The following AXDND1 variants were observed in gnomAD, a reference collection of about 807,000 sequenced individuals.
AXDND1 encodes the protein axonemal dynein light chain domain-containing protein 1.
Under a neutral mutation model 137.5 loss-of-function variants are expected in AXDND1, and 110 were observed. The observed-to-expected ratio is 0.80, with a 90% CI of 0.69 to 0.94. AXDND1 has a LOEUF of 0.94. AXDND1 is among the 40% of genes least tolerant of loss of function. The pLI is 0.00. For synonymous variants in AXDND1, 414 were observed against 399.7 expected, an observed-to-expected ratio of 1.04 and a Z score of -0.43; for missense variants, 1,191 against 1,169.8, an observed-to-expected ratio of 1.02 and a Z score of -0.26.
rs1424898507 is a variant in AXDND1, at chr1:179,385,260, TGAA to T, written c.769_771del (p.Lys257del). On this transcript the variant is annotated inframe_deletion, in exon 9 of 26. Coordinates refer to ENST00000367618, the MANE Select transcript of AXDND1 (RefSeq NM_144696.6). ...CAGATGCACAAACTACTACATATATTGAAGAAGGAACAGACCATTTACAACATG... is the reference window on the plus strand; with the variant it reads ...CAGATGCACAAACTACTACATATATTGAAGGAACAGACCATTTACAACATG... 1.9e-6 allele frequency: 3 copies of T among 1,610,618 alleles called. No homozygotes were observed. In the African/African-American group the frequency reaches 4.0e-5, roughly 22 times the overall value.
At chr1:179,439,477 T>C (rs10913756) in intron 15 of AXDND1, among the ~76,000 whole-genome samples, 98,496 of 151,986 alleles carry the variant, frequency 0.65, 32,250 homozygotes, top group Middle Eastern at 0.7. Flanking sequence ...TCCTGGAGCC[T>C]ACTCTCCCTG....
At chr1:179,477,217 C>T (rs1262945926) in intron 17 of AXDND1, among the ~76,000 whole-genome samples, 1 of 151,824 alleles carries the variant, frequency 6.6e-6, no homozygotes, top group Non-Finnish European at 1.5e-5. Flanking sequence ...TTTTTAATTT[C>T]TATTCTCTTA....
chr1:179,447,935 C>T, intron 16 of AXDND1: 3 of 1,382,682 alleles, frequency 2.2e-6, no homozygotes, highest in Non-Finnish European at 1.0e-6. Context: ...GTGTTTAAAT[C>T]TGTTAACGTT....
chr1:179,501,365 T>C (rs995223973), intron 20 of AXDND1, among the ~76,000 whole-genome samples: 2 of 152,202 alleles, frequency 1.3e-5, no homozygotes, highest in African/African-American at 4.8e-5. Context: ...TTATGGCCTT[T>C]TATATAAGCA....
chr1:179,447,129 C>T (rs571667529), intron 16 of AXDND1, among the ~76,000 whole-genome samples: 1 of 152,096 alleles, frequency 6.6e-6, no homozygotes, highest in East Asian at 1.9e-4. Flanking sequence ...CTATAGTCAC[C>T]CTTCTCTCCT....
At chr1:179,546,931 C>T (rs1303963127) in intron 25 of AXDND1, among the ~76,000 whole-genome samples, 1 of 152,218 alleles carries the variant, frequency 6.6e-6, no homozygotes, top group East Asian at 1.9e-4. Flanking sequence ...GGTCACTTGT[C>T]TGCTACCTTG....
At chr1:179,460,044 TTTA>T (rs1662086519) in intron 16 of AXDND1, among the ~76,000 whole-genome samples, 2 of 151,554 alleles carry the variant, frequency 1.3e-5, no homozygotes, top group Admixed American at 1.3e-4. Context: ...TTTTATTTTC[TTTA>T]TTATTATTCT....
At chr1:179,452,469 A>G (rs1342209768) in intron 16 of AXDND1, 2 of 146,242 alleles carry the variant, frequency 1.4e-5, no homozygotes, top group Non-Finnish European at 3.0e-5. Context: ...CGGGTGGATC[A>G]TGAGGTCGGG....
At chr1:179,447,679 C>G in intron 16 of AXDND1, 1 of 1,348,278 alleles carries the variant, frequency 7.4e-7, no homozygotes, top group Non-Finnish European at 1.1e-6. Flanking sequence ...AAGATTACTG[C>G]CACCTGGTGG....
At chr1:179,434,241 A>C (rs993993731) in intron 15 of AXDND1, among the ~76,000 whole-genome samples, 1 of 152,112 alleles carries the variant, frequency 6.6e-6, no homozygotes. Flanking sequence ...GCCAAGGACC[A>C]CACAGATTCA....
rs1928003 is a variant in AXDND1 at position 179,505,592 on chromosome 1, G to C, written c.2389-3704G>C. ...GAACCCGGGAGGTAGAGGTTGTGCC[G>C]AGCCGAGATTGCTCCACTGCATTCC... is the stretch of plus-strand genomic sequence containing the variant. On this transcript the variant is annotated intron_variant, in intron 20 of 25. Coordinates refer to ENST00000367618, the MANE Select transcript of AXDND1 (RefSeq NM_144696.6). 6.0e-5 allele frequency among the ~76,000 whole-genome samples: 9 copies of C among 150,738 alleles called. No homozygotes were observed. The South Asian group carries it at 1.9e-3, about 32-fold the overall frequency.
intron 16 of AXDND1, among the ~76,000 whole-genome samples, chr1:179,446,130 A>G (rs989341921): frequency 9.9e-5 from 15 of 152,122 alleles, no homozygotes; most frequent in African/African-American, 3.6e-4. Flanking sequence ...AGCCACTTAT[A>G]TATCTTCTTT....
intron 15 of AXDND1, among the ~76,000 whole-genome samples, chr1:179,442,229 A>G (rs1659093713): frequency 6.6e-6 from 1 of 152,178 alleles, no homozygotes; most frequent in South Asian, 2.1e-4. Flanking sequence ...GGTATAGGCC[A>G]CTTTTTATCC....
chr1:179,490,896 T>C (rs556406830), intron 18 of AXDND1, among the ~76,000 whole-genome samples: 34 of 152,360 alleles, frequency 2.2e-4, no homozygotes, highest in Admixed American at 1.9e-3. Context: ...TGGTAGATGT[T>C]ACATATTACT....
intron 21 of AXDND1, among the ~76,000 whole-genome samples, chr1:179,522,602 T>C (rs1048796333): frequency 6.6e-6 from 1 of 151,870 alleles, no homozygotes; most frequent in African/African-American, 2.4e-5. Context: ...ATAAATATAA[T>C]CCATGATATA....
chr1:179,376,854 A>G (rs1339997408), intron 4 of AXDND1, among the ~76,000 whole-genome samples: 1 of 152,144 alleles, frequency 6.6e-6, no homozygotes, highest in Non-Finnish European at 1.5e-5. Context: ...GTTAATAAAT[A>G]TTTGCTGAGC....
intron 12 of AXDND1, among the ~76,000 whole-genome samples, chr1:179,418,740 C>T (rs532326381): frequency 4.8e-4 from 73 of 151,208 alleles, no homozygotes; most frequent in Non-Finnish European, 7.3e-4. Context: ...CCCTCCCGGA[C>T]GGGGTGGCTG....
At chr1:179,534,242 A>G (rs1223566742) in intron 24 of AXDND1, among the ~76,000 whole-genome samples, 1 of 152,174 alleles carries the variant, frequency 6.6e-6, no homozygotes, top group Non-Finnish European at 1.5e-5. Context: ...AGGGCGGTAT[A>G]GTTAAGATGG....
chr1:179,368,732 G>A, intron 2 of AXDND1, 68 bp from the exon 3 acceptor site: 15 of 1,292,534 alleles, frequency 1.2e-5, no homozygotes, highest in Non-Finnish European at 1.6e-5. Context: ...TGATGAGGCA[G>A]TCTGAGAAGC....
Sources: gnomAD v4.1 joint callset for allele counts (sites outside exome capture counted in the v4.1 genomes callset) on GRCh38, gnomAD v4.1.1 for gene constraint, MANE v1.5 for transcripts, NCBI Gene and HGNC (gene_info 2026-07-23, HGNC 2026-07-21) for gene names.